Variants in RIN3 observed in about 807,000 individuals in gnomAD.
The protein encoded by RIN3 is Ras and Rab interactor 3, also known as RAB5 interacting protein 3.
A neutral mutation model predicts 76.3 loss-of-function variants in RIN3; 54 were observed. That is an observed-to-expected ratio of 0.71 (90% CI 0.57 to 0.89). RIN3 has a LOEUF of 0.89. Ranked by LOEUF, RIN3 falls within the 40% of genes least tolerant of loss-of-function variation. The pLI is 0.00. For missense variants in RIN3, 1,256 were observed against 1,322.1 expected (o/e 0.95, Z 0.78); for synonymous variants, 576 against 564.0 (o/e 1.02, Z -0.30).
Position 92,688,762 on chromosome 14 carries a change from C to T in RIN3, c.*510C>T, listed in dbSNP as rs1888976689. ...AAGAGACAGGCCTCCACCCCTGCAC[C>T]AGAGCCTGCTCTTAGCTCCCGGTGC... On this transcript the variant is annotated 3_prime_UTR_variant, in exon 10 of 10. Transcript: ENST00000216487. The T allele has an allele frequency of 6.4e-6, 1 of 157,090 alleles. No homozygotes were observed. Among genetic ancestry groups the T allele is most frequent in the African/African-American group, 2.4e-5 (1 of 41,516 alleles). The allele number at this position is 157,090 out of a possible 1,614,324, so 9.7% of individuals were successfully genotyped here.
chr14:92,628,636 T>C (rs1886441947), intron 4 of RIN3, among the ~76,000 whole-genome samples: 1 of 152,164 alleles, frequency 6.6e-6, no homozygotes, highest in Non-Finnish European at 1.5e-5. Flanking sequence ...ACTTTAATGA[T>C]AGGAACTGGA....
rs28574273 is a variant in RIN3 at position 92,582,897 on chromosome 14, C to T, written c.367+5420C>T. Among the ~76,000 whole-genome samples the T allele has an allele frequency of 5.0e-3, 755 of 152,328 alleles. 9 individuals are homozygous for T. Among genetic ancestry groups the T allele is most frequent in the African/African-American group, 0.017 (721 of 41,562 alleles). ...TGTGCCGCTCCTGCCTCTTTGCTCT[C>T]TTCCTGTTTGATGCCCTCCTCCTTG... is the stretch of plus-strand genomic sequence containing the variant. On this transcript the variant is annotated intron_variant, in intron 3 of 9. Transcript: ENST00000216487.
rs564412687 is a variant in RIN3 at position 92,586,802 on chromosome 14, G to T, written c.367+9325G>T. ...ACCAGAAATACAAGTCGTTCGAACT[G>T]TCCTAAATGTTAGAATGTAAGCATG... On this transcript the variant is annotated intron_variant, in intron 3 of 9. Coordinates refer to ENST00000216487, the MANE Select transcript of RIN3 (RefSeq NM_024832.5). 2.0e-5 allele frequency among the ~76,000 whole-genome samples: 3 copies of T among 152,292 alleles called. No homozygotes were observed. The South Asian group carries it at 6.2e-4, about 32-fold the overall frequency.
intron 1 of RIN3, among the ~76,000 whole-genome samples, chr14:92,554,734 A>G (rs1034616076): frequency 4.6e-5 from 7 of 152,186 alleles, no homozygotes; most frequent in African/African-American, 1.7e-4. Flanking sequence ...CAGTCTGGCT[A>G]ACATGGTGAA....
intron 4 of RIN3, chr14:92,615,815 G>A (rs1998434): frequency 0.053 from 14,439 of 274,010 alleles, 465 homozygotes; most frequent in Admixed American, 0.088. Context: ...CTTCCTGTAG[G>A]GGCAGCAACA....
In RIN3 at chr14:92,568,125, C is replaced by G. The variant is rs1897964757; in HGVS notation, c.250-9235C>G. Among the ~76,000 whole-genome samples the G allele has an allele frequency of 6.6e-6, 1 of 152,058 alleles. No homozygotes were observed. The highest frequency in any genetic ancestry group is 1.5e-5 in the Non-Finnish European group (1 of 68,010). On this transcript the variant is annotated intron_variant, in intron 2 of 9. Transcript: ENST00000216487. The surrounding 1 kb of genome is among the most constrained non-coding windows in gnomAD (Gnocchi z 4.2). ...TGTGTTTCACTGTGTCTCTAAATAG[C>G]TGGCTGCAGGGGGGCAGAAAGGGAG...
chr14:92,600,298 C>T (rs1177390119), intron 3 of RIN3, among the ~76,000 whole-genome samples: 2 of 152,200 alleles, frequency 1.3e-5, no homozygotes, highest in African/African-American at 2.4e-5. Flanking sequence ...GCAGTTAGGG[C>T]ACAATCCAGT....
chr14:92,671,115 A>G (rs1888272264), intron 7 of RIN3, among the ~76,000 whole-genome samples: 1 of 152,182 alleles, frequency 6.6e-6, no homozygotes, highest in Non-Finnish European at 1.5e-5. Context: ...AAAGGCAGTG[A>G]TGCGAGAGAG....
At chr14:92,590,594 A>G (rs1884946098) in intron 3 of RIN3, among the ~76,000 whole-genome samples, 1 of 152,244 alleles carries the variant, frequency 6.6e-6, no homozygotes, top group South Asian at 2.1e-4. Flanking sequence ...TAAAGCCTGC[A>G]GAACCATGAG....
chr14:92,571,184 C>G (rs1000937102), intron 2 of RIN3, among the ~76,000 whole-genome samples: 1 of 152,200 alleles, frequency 6.6e-6, no homozygotes, highest in Admixed American at 6.5e-5. Flanking sequence ...CTTTTACTGT[C>G]CATAAATCTT....
rs537112974 is a variant in RIN3 at position 92,539,198 on chromosome 14, G to A, written c.45-16553G>A. On this transcript the variant is annotated intron_variant, in intron 1 of 9. Transcript: ENST00000216487. ...GGATCTTGGGGTGGGGGGGATGTCAGCTGCTCTTTCATATGACTGTTGTAA... is the reference window on the plus strand; with the variant it reads ...GGATCTTGGGGTGGGGGGGATGTCAACTGCTCTTTCATATGACTGTTGTAA... 7.2e-5 allele frequency among the ~76,000 whole-genome samples: 11 copies of A among 152,260 alleles called. No individual in the cohort carries two copies. In the East Asian group the frequency reaches 2.1e-3, roughly 29 times the overall value.
chr14:92,674,698 G>A (rs1431703952), intron 7 of RIN3, among the ~76,000 whole-genome samples: 1 of 151,996 alleles, frequency 6.6e-6, no homozygotes, highest in Non-Finnish European at 1.5e-5. Context: ...AGACCAGCCT[G>A]GCCAACATGG....
Position 92,513,993 on chromosome 14 carries a change from G to A in RIN3, c.44+17G>A. Reference sequence around the variant, plus strand: ...CCCCACGGGGTAAGTCCGGGCGGCCGCCCCCTCCTCCCTCGCGATCCCCAC... The same window carrying A: ...CCCCACGGGGTAAGTCCGGGCGGCCACCCCCTCCTCCCTCGCGATCCCCAC... On this transcript the variant is annotated intron_variant, in intron 1 of 9. Transcript: ENST00000216487. 8.1e-7 allele frequency: 1 copy of A among 1,232,198 alleles called. No homozygotes were observed. The highest frequency in any genetic ancestry group is 1.0e-6 in the Non-Finnish European group (1 of 986,424). 76.3% of individuals were successfully genotyped at this position (1,232,198 alleles called of 1,614,324 possible). A position where few individuals can be genotyped will look rare whatever the true frequency, so the allele number is the denominator to read the frequency against.
intron 2 of RIN3, chr14:92,576,344 G>A (rs753997733): frequency 1.7e-5 from 22 of 1,289,752 alleles, no homozygotes; most frequent in African/African-American, 1.2e-4. Context: ...AAGGAGAAGC[G>A]AGTGTCCGTC....
chr14:92,557,957 A>G (rs1365070214), intron 2 of RIN3, among the ~76,000 whole-genome samples: 1 of 152,232 alleles, frequency 6.6e-6, no homozygotes, highest in Non-Finnish European at 1.5e-5. Context: ...GGGAATTACC[A>G]GACAGTGGGG....
At chr14:92,619,105 ATTAGT>A (rs111358391) in intron 4 of RIN3, among the ~76,000 whole-genome samples, 5 of 152,330 alleles carry the variant, frequency 3.3e-5, no homozygotes, top group African/African-American at 1.2e-4. Context: ...TGTAACACAT[ATTAGT>A]ATTATTCACA....
chr14:92,613,235 C>T (rs534352983), intron 3 of RIN3, among the ~76,000 whole-genome samples: 1 of 152,286 alleles, frequency 6.6e-6, no homozygotes, highest in South Asian at 2.1e-4. Flanking sequence ...CTTGGCCACA[C>T]CTGTGCTGCC....
chr14:92,659,529 C>G (rs545285413), intron 7 of RIN3, 60 bp downstream of exon 7: 43 of 1,454,982 alleles, frequency 3.0e-5, no homozygotes, highest in Non-Finnish European at 6.5e-6. Flanking sequence ...GTCCATGACC[C>G]CACCCTGACC....
At chr14:92,603,831 G>A (rs533193777) in intron 3 of RIN3, among the ~76,000 whole-genome samples, 2 of 152,310 alleles carry the variant, frequency 1.3e-5, no homozygotes, top group African/African-American at 2.4e-5. Context: ...AAGCCAGTGG[G>A]TGCCAGGGCT....
Sources: allele counts gnomAD v4.1 joint callset (sites outside exome capture counted in the v4.1 genomes callset), GRCh38; gene constraint gnomAD v4.1.1; non-coding constraint Gnocchi (gnomAD v3.1); transcripts MANE v1.5; gene names NCBI Gene and HGNC (gene_info 2026-07-23, HGNC 2026-07-21).